The following DSE variants were observed in gnomAD, a reference collection of about 807,000 sequenced individuals.
DSE encodes the protein dermatan-sulfate epimerase.
A neutral mutation model predicts 84.4 loss-of-function variants in DSE; 36 were observed. The ratio of observed to expected loss-of-function variants is 0.43; its 90% CI spans 0.33 to 0.56. The LOEUF (loss-of-function observed/expected upper bound fraction) is 0.56, where lower values mean the gene tolerates loss of function less well. Among genes scored for constraint, DSE ranks in the 20% least tolerant of loss-of-function variants. DSE has a pLI of 0.06. For synonymous variants in DSE, 410 were observed against 430.1 expected (o/e 0.95, Z 0.58); for missense variants, 862 against 1,169.6 (o/e 0.74, Z 3.84).
At chr6:116,431,861 A>G (rs1463234943) in intron 4 of DSE, among the ~76,000 whole-genome samples, 1 of 152,158 alleles carries the variant, frequency 6.6e-6, no homozygotes, top group Non-Finnish European at 1.5e-5. Flanking sequence ...CTAAAACAGG[A>G]CTAAGATGTT....
chr6:116,368,795 G>T (rs1779319999), upstream of DSE, among the ~76,000 whole-genome samples: 1 of 152,194 alleles, frequency 6.6e-6, no homozygotes, highest in Admixed American at 6.5e-5. Flanking sequence ...CCTAATGGAT[G>T]AAGAAAAGCT....
rs1348347690 is a variant in DSE at position 116,443,608 on chromosome 6, C to G, written c.*6263C>G. On this transcript the variant is annotated 3_prime_UTR_variant, in exon 6 of 6. Coordinates refer to ENST00000644252, the MANE Select transcript of DSE (RefSeq NM_013352.4). ...GTGATTAATGCAGGCAGTTGGAGTA[C>G]TTTCTAAATCAGAAAAGTAAAAGTG... 2 of 152,098 alleles carry G rather than the reference C, an allele frequency of 1.3e-5. No homozygotes were observed. Among genetic ancestry groups the G allele is most frequent in the Non-Finnish European group, 2.9e-5 (2 of 68,008 alleles). 9.4% of individuals were successfully genotyped at this position (152,098 alleles called of 1,614,324 possible). A position where few individuals can be genotyped will look rare whatever the true frequency, so the allele number is the denominator to read the frequency against.
rs771885728 is a variant in DSE at position 116,258,533 on chromosome 6, C to T, written c.-488C>T. On this transcript the variant is annotated 5_prime_UTR_variant, in exon 2 of 4. Coordinates refer to the DSE transcript ENST00000430252. The stretch of plus-strand genomic sequence containing the variant: ...GGCCACATGCTCCAAGAAGGCCACA[C>T]GTCCTTCTTCTTAATGGCATAGGAG... 3.3e-5 allele frequency: 44 copies of T among 1,347,360 alleles called. 1 individual carries two copies. The highest frequency in any genetic ancestry group is 3.0e-4 in the African/African-American group (21 of 69,944). 83.5% of individuals were successfully genotyped at this position (1,347,360 alleles called of 1,614,324 possible).
At chr6:116,377,803 T>C (rs567680232) in intron 1 of DSE, among the ~76,000 whole-genome samples, 29 of 152,304 alleles carry the variant, frequency 1.9e-4, no homozygotes, top group African/African-American at 6.7e-4. Flanking sequence ...TACAACCTTG[T>C]TTACCTTCTA....
At chr6:116,278,935 T>C in intron 2 of DSE, 1 of 1,614,152 alleles carries the variant, frequency 6.2e-7, no homozygotes, top group Non-Finnish European at 8.5e-7. Flanking sequence ...CCTTAACATC[T>C]CTGCATCTTG....
intron 1 of DSE, among the ~76,000 whole-genome samples, chr6:116,257,886 GC>G (rs1772213456): frequency 6.6e-6 from 1 of 152,128 alleles, no homozygotes; most frequent in Non-Finnish European, 1.5e-5. Flanking sequence ...TCAGTCTATA[GC>G]CTGCCCCCAT....
At chr6:116,305,778 C>T (rs540165957) in intron 2 of DSE, among the ~76,000 whole-genome samples, 2 of 152,200 alleles carry the variant, frequency 1.3e-5, no homozygotes, top group African/African-American at 4.8e-5. Context: ...GCTGGGATTA[C>T]AGTGTAGCAT....
chr6:116,327,917 G>T (rs1042065349), intron 2 of DSE, among the ~76,000 whole-genome samples: 1 of 152,072 alleles, frequency 6.6e-6, no homozygotes, highest in Non-Finnish European at 1.5e-5. Context: ...GTAAATTCAG[G>T]TCTGTTACTT....
chr6:116,304,701 G>A (rs1169784518), intron 2 of DSE, among the ~76,000 whole-genome samples: 1 of 152,154 alleles, frequency 6.6e-6, no homozygotes, highest in Non-Finnish European at 1.5e-5. Context: ...CTGATTCCCA[G>A]CACAGAGGAG....
chr6:116,315,718 C>T (rs1031564890), intron 2 of DSE, among the ~76,000 whole-genome samples: 2 of 152,120 alleles, frequency 1.3e-5, no homozygotes, highest in African/African-American at 2.4e-5. Flanking sequence ...GCTACAAATG[C>T]GGGCTGGGCA....
intron 1 of DSE, among the ~76,000 whole-genome samples, chr6:116,374,691 G>A (rs1583122732): frequency 6.6e-6 from 1 of 152,256 alleles, no homozygotes; most frequent in East Asian, 1.9e-4. Flanking sequence ...ACAGAGCTCC[G>A]AGGTGATCCA....
In DSE at chr6:116,437,513, G is replaced by A. The variant is rs573910469; in HGVS notation, c.*168G>A. On this transcript the variant is annotated 3_prime_UTR_variant, in exon 6 of 6. Coordinates refer to ENST00000644252, the MANE Select transcript of DSE (RefSeq NM_013352.4). ...CAGGAACGTGGAGAAATTGGAGCAG[G>A]AAAAGAAATTATCAAAGCAATAGAA... The A allele has an allele frequency of 4.8e-5, 31 of 649,154 alleles. No homozygotes were observed. In the South Asian group the frequency reaches 7.1e-4, roughly 15 times the overall value. 40.2% of individuals were successfully genotyped at this position (649,154 alleles called of 1,614,324 possible).
intron 2 of DSE, among the ~76,000 whole-genome samples, chr6:116,363,500 A>G (rs1347928149): frequency 1.3e-5 from 2 of 152,192 alleles, no homozygotes; most frequent in Non-Finnish European, 2.9e-5. Context: ...TAATAACAGG[A>G]AATTCAGAAA....
At chr6:116,343,412 A>T (rs1446423262) in intron 2 of DSE, among the ~76,000 whole-genome samples, 1 of 152,118 alleles carries the variant, frequency 6.6e-6, no homozygotes, top group Non-Finnish European at 1.5e-5. Flanking sequence ...GCTGACTGAC[A>T]CCTCATACAG....
intron 2 of DSE, among the ~76,000 whole-genome samples, chr6:116,284,494 T>C (rs1773745102): frequency 6.6e-6 from 1 of 152,164 alleles, no homozygotes; most frequent in Non-Finnish European, 1.5e-5. Context: ...TGAACAAGTG[T>C]GAACTCACTT....
At chr6:116,341,115 G>A (rs1321769784) in intron 2 of DSE, among the ~76,000 whole-genome samples, 1 of 152,166 alleles carries the variant, frequency 6.6e-6, no homozygotes, top group Non-Finnish European at 1.5e-5. Flanking sequence ...GTGTAAAAGT[G>A]TTCGTGTTTC....
At chr6:116,279,067 T>A (rs1269295674) in intron 2 of DSE, 5 of 1,613,218 alleles carry the variant, frequency 3.1e-6, no homozygotes, top group Non-Finnish European at 4.2e-6. Flanking sequence ...CCCAAACTTG[T>A]GCTCCAGCTG....
rs529655833 is a variant in DSE at position 116,306,973 on chromosome 6, T to C, written c.-54+48006T>C. Among the ~76,000 whole-genome samples the C allele has an allele frequency of 3.3e-5, 5 of 152,352 alleles. No homozygotes were observed. The South Asian group carries it at 1.0e-3, about 32-fold the overall frequency. On this transcript the variant is annotated intron_variant, in intron 2 of 3. Coordinates refer to the DSE transcript ENST00000430252. ...AAATACAAAAAACATTTCTGTTTTT[T>C]AATCTATTCAGTCTATGTTATTTTG...
intron 2 of DSE, among the ~76,000 whole-genome samples, chr6:116,332,779 A>G (rs1777029992): frequency 6.6e-6 from 1 of 152,192 alleles, no homozygotes. Context: ...GGTAAAATAT[A>G]TTACATATGC....
Sources: allele counts gnomAD v4.1 joint callset (sites outside exome capture counted in the v4.1 genomes callset), GRCh38; gene constraint gnomAD v4.1.1; transcripts MANE v1.5; gene names NCBI Gene and HGNC (gene_info 2026-07-23, HGNC 2026-07-21).